The following ITGB1 variants were observed in gnomAD, a reference collection of about 807,000 sequenced individuals.
The protein encoded by ITGB1 is integrin beta-1.
In ITGB1, 24 loss-of-function variants were observed where a neutral mutation model predicts 86.5. The ratio of observed to expected loss-of-function variants is 0.28; its 90% CI spans 0.20 to 0.39. The LOEUF is 0.39. Among genes scored for constraint, ITGB1 ranks in the 10% least tolerant of loss-of-function variants. ITGB1 has a pLI of 1.00. For synonymous variants in ITGB1, 323 were observed against 316.8 expected (o/e 1.02, Z -0.21); for missense variants, 556 against 946.9 (o/e 0.59, Z 5.42).
chr10:32,942,372 G>A (rs2095020420), intron 1 of ITGB1, among the ~76,000 whole-genome samples: 1 of 152,210 alleles, frequency 6.6e-6, no homozygotes, highest in South Asian at 2.1e-4. Context: ...ATTACAGTGA[G>A]AGCCTGCAAT....
At chr10:32,927,450 C>T (rs1400765562) in intron 5 of ITGB1, among the ~76,000 whole-genome samples, 1 of 152,110 alleles carries the variant, frequency 6.6e-6, no homozygotes, top group African/African-American at 2.4e-5. Context: ...TGCAGACATA[C>T]TAATTAGCAA....
At chr10:32,928,835 A>T (rs2094973928) in intron 4 of ITGB1, among the ~76,000 whole-genome samples, 1 of 151,896 alleles carries the variant, frequency 6.6e-6, no homozygotes, top group Admixed American at 6.6e-5. Context: ...GAGATGATGA[A>T]GGAGGAGAAG....
intron 2 of ITGB1, among the ~76,000 whole-genome samples, chr10:32,934,488 T>C (rs1040051023): frequency 6.6e-6 from 1 of 152,168 alleles, no homozygotes; most frequent in African/African-American, 2.4e-5. Flanking sequence ...CAATTCCCCA[T>C]GGATACCATA....
chr10:32,920,498 A>C, intron 9 of ITGB1, 113 bp from the exon 10 acceptor site: 1 of 884,518 alleles, frequency 1.1e-6, no homozygotes, highest in South Asian at 1.8e-5. Context: ...AGTATCTACA[A>C]GCCAAATCCA....
At chr10:32,948,075 A>G (rs1236853042) in intron 1 of ITGB1, among the ~76,000 whole-genome samples, 3 of 152,078 alleles carry the variant, frequency 2.0e-5, no homozygotes, top group South Asian at 2.1e-4. Flanking sequence ...AAGACACAAG[A>G]TATGAAAGAA....
intron 11 of ITGB1, among the ~76,000 whole-genome samples, chr10:32,916,372 G>A (rs546505617): frequency 6.6e-6 from 1 of 151,616 alleles, no homozygotes; most frequent in African/African-American, 2.4e-5. Context: ...AAGCCCATCA[G>A]TTAATTAGGA....
At chr10:32,903,912 T>C (rs2094889301) in intron 15 of ITGB1, among the ~76,000 whole-genome samples, 1 of 151,802 alleles carries the variant, frequency 6.6e-6, no homozygotes, top group South Asian at 2.1e-4. Flanking sequence ...TCAAATATGT[T>C]GGGAAAATAA....
In ITGB1 at chr10:32,935,841, C is replaced by T. The variant is rs988239834; in HGVS notation, c.1-283G>A. 2.3e-5 allele frequency: 6 copies of T among 265,614 alleles called. No individual in the cohort carries two copies. The South Asian group carries it at 2.3e-4, about 10-fold the overall frequency. The allele number at this position is 265,614 out of a possible 1,614,324, so 16.5% of individuals were successfully genotyped here. ...CGATTATATTTTAACATTTAATTAA[C>T]AGCGCTCAAAAAAAAAATCAGTGTT... On this transcript the variant is annotated intron_variant, in intron 1 of 15. Transcript: ENST00000302278.
Position 32,948,006 on chromosome 10 carries a change from A to T in ITGB1, c.-1+10139T>A, listed in dbSNP as rs538295918. Among the ~76,000 whole-genome samples, 5 of 147,812 alleles carry T rather than the reference A, an allele frequency of 3.4e-5. No homozygotes were observed. In the South Asian group the frequency reaches 1.1e-3, roughly 32 times the overall value. On this transcript the variant is annotated intron_variant, in intron 1 of 15. Transcript: ENST00000302278. Reference sequence around the variant, plus strand: ...TGAATAAAGAAGTAACTATGGTTGAATTTTTTTTTTTTTTCAATTGTAATT... The same window carrying T: ...TGAATAAAGAAGTAACTATGGTTGATTTTTTTTTTTTTTTCAATTGTAATT...
At chr10:32,922,421 T>C (rs1288699086) in intron 8 of ITGB1, 75 bp from the exon 9 acceptor site, 3 of 998,100 alleles carry the variant, frequency 3.0e-6, no homozygotes, top group Non-Finnish European at 4.7e-6. Flanking sequence ...GAGCAACTTT[T>C]ATCTTTAAAT....
intron 1 of ITGB1, among the ~76,000 whole-genome samples, chr10:32,937,108 A>T (rs1159133398): frequency 1.3e-5 from 2 of 152,226 alleles, no homozygotes; most frequent in East Asian, 3.8e-4. Flanking sequence ...TTAAATATAT[A>T]AAAGGTGACA....
chr10:32,922,849 T>C, intron 7 of ITGB1, 114 bp from the exon 8 acceptor site: 1 of 596,188 alleles, frequency 1.7e-6, no homozygotes, highest in East Asian at 3.0e-5. Flanking sequence ...AAGACTGCTT[T>C]AGATAACTAG....
chr10:32,919,998 C>T lies in ITGB1; in HGVS notation c.1356G>A (p.Glu452=), dbSNP rs1593863942. ...TGTACTGAAGAATAACCTCTACTTC[C>T]TCCGTAAAGCCCAGAGGCCTAATTT... ...SFKIRPLGFT[E]EVEVILQYIC... Residue 452 remains glutamate, a synonymous_variant, in exon 11 of 16, where the codon GAG becomes GAA. Transcript: ENST00000302278. The T allele has an allele frequency of 6.2e-7, 1 of 1,613,886 alleles. No individual in the cohort carries two copies. Among genetic ancestry groups the T allele is most frequent in the African/African-American group, 1.3e-5 (1 of 75,016 alleles).
intron 11 of ITGB1, among the ~76,000 whole-genome samples, chr10:32,918,842 T>C (rs2094940073): frequency 6.6e-6 from 1 of 152,120 alleles, no homozygotes; most frequent in Non-Finnish European, 1.5e-5. Flanking sequence ...AAAAAAAACA[T>C]ACTGTGTATA....
At chr10:32,910,161 A>G in intron 14 of ITGB1, 62 bp downstream of exon 14, 1 of 1,294,966 alleles carries the variant, frequency 7.7e-7, no homozygotes, top group Non-Finnish European at 1.1e-6. Flanking sequence ...TGTTAGGCCT[A>G]AATAAGCAGA....
intron 1 of ITGB1, among the ~76,000 whole-genome samples, chr10:32,946,612 TA>T (rs2095031677): frequency 6.6e-6 from 1 of 152,100 alleles, no homozygotes; most frequent in African/African-American, 2.4e-5. Context: ...ACAGCATATT[TA>T]CTCTTACTTT....
At position 32,922,358 on chromosome 10, in the gene ITGB1, A is replaced by C; in HGVS notation, c.1039-12T>G. The C allele has an allele frequency of 1.9e-6, 3 of 1,562,646 alleles. No individual in the cohort carries two copies. The highest frequency in any genetic ancestry group is 2.6e-6 in the Non-Finnish European group (3 of 1,136,236). ...AAGTTTTTCAGCTCCTGCAATTAAA[A>C]GATAAAACACGTAAAATACAACTGC... On this transcript the variant is annotated splice_polypyrimidine_tract_variant and intron_variant, in intron 8 of 15. Coordinates refer to ENST00000302278, the MANE Select transcript of ITGB1 (RefSeq NM_002211.4).
Position 32,928,108 on chromosome 10 carries a change from G to A in ITGB1, c.533C>T (p.Ser178Leu), listed in dbSNP as rs199757647. The change falls in exon 5 of 16, where the codon TCG (serine) becomes TTG (leucine). Residue 178 changes from serine (S) to leucine (L), a missense_variant. By Grantham distance (145) the Ser-to-Leu change is moderately radical. Around this residue, in one of 4 missense-constraint regions of ITGB1, gnomAD observed 183 missense variants for 263.9 expected, o/e 0.69. Transcript: ENST00000302278. ...AACATTCCTACCAATTCTGAAGTCC[G>A]AAGTAATCCTCCTCATTTCATTCAT... The part of the protein sequence containing the change: ...DLMNEMRRIT[S>L]DFRIGFGSFV... The A allele has an allele frequency of 8.2e-6, 13 of 1,586,646 alleles. No individual in the cohort carries two copies. The highest frequency in any genetic ancestry group is 1.7e-5 in the Admixed American group (1 of 57,274).
intron 1 of ITGB1, among the ~76,000 whole-genome samples, chr10:32,946,045 T>A (rs2137258648): frequency 6.6e-6 from 1 of 152,324 alleles, no homozygotes; most frequent in South Asian, 2.1e-4. Context: ...GTTGAATGAA[T>A]TTTCAACAAA....
Sources: gnomAD v4.1 joint callset for allele counts (sites outside exome capture counted in the v4.1 genomes callset) on GRCh38, gnomAD v4.1.1 for gene constraint, gnomAD v4.1.1 regional missense constraint, MANE v1.5 for transcripts, NCBI Gene and HGNC (gene_info 2026-07-23, HGNC 2026-07-21) for gene names.